CADM2: variants seen among roughly 807,000 people sequenced by gnomAD.
The protein encoded by CADM2 is immunoglobulin superfamily member 4D.
In CADM2, 12 loss-of-function variants were observed where a neutral mutation model predicts 49.8. The observed-to-expected ratio is 0.24, with a 90% CI of 0.15 to 0.39. CADM2 has a LOEUF of 0.39. Among genes scored for constraint, CADM2 ranks in the 10% least tolerant of loss-of-function variants. The pLI is 1.00. For missense variants in CADM2, 378 were observed against 492.3 expected (o/e 0.77, Z 2.20); for synonymous variants, 214 against 175.4 (o/e 1.22, Z -1.74).
At chr3:85,533,392 A>G (rs1442012559) in intron 1 of CADM2, among the ~76,000 whole-genome samples, 8 of 152,188 alleles carry the variant, frequency 5.3e-5, no homozygotes, top group Non-Finnish European at 1.0e-4. Flanking sequence ...GCATACTTTA[A>G]AATGCCCAAT....
chr3:85,408,085 A>T lies in CADM2; in HGVS notation c.62-318437A>T, dbSNP rs189764184. Among the ~76,000 whole-genome samples, 5 of 151,950 alleles carry T rather than the reference A, an allele frequency of 3.3e-5. No homozygotes were observed. In the East Asian group the frequency reaches 9.7e-4, roughly 29 times the overall value. ...GCAATAATTTTATTTAAAAAATAAGATACTAGAATTGAAGTGTGAAACTGA... is the reference window on the plus strand; with the variant it reads ...GCAATAATTTTATTTAAAAAATAAGTTACTAGAATTGAAGTGTGAAACTGA... On this transcript the variant is annotated intron_variant, in intron 1 of 9. Coordinates refer to ENST00000383699, the MANE Select transcript of CADM2 (RefSeq NM_001167675.2).
intron 1 of CADM2, among the ~76,000 whole-genome samples, chr3:85,144,247 A>G (rs13078074): frequency 0.033 from 3,699 of 113,108 alleles, 65 homozygotes; most frequent in Non-Finnish European, 0.055. Context: ...TTACACACGC[A>G]CACACACACA....
chr3:85,768,781 T>C (rs1183620204), intron 2 of CADM2, among the ~76,000 whole-genome samples: 83 of 128,630 alleles, frequency 6.5e-4, no homozygotes, highest in African/African-American at 2.3e-3. Flanking sequence ...CATATATACA[T>C]ATATAGTATA....
At chr3:85,744,468 T>C (rs1406185671) in intron 2 of CADM2, among the ~76,000 whole-genome samples, 1 of 151,812 alleles carries the variant, frequency 6.6e-6, no homozygotes, top group East Asian at 1.9e-4. Flanking sequence ...AAATATCTCA[T>C]ATAACCCATA....
chr3:85,094,119 A>T (rs1267385922), intron 1 of CADM2, among the ~76,000 whole-genome samples: 1 of 152,174 alleles, frequency 6.6e-6, no homozygotes, highest in Non-Finnish European at 1.5e-5. Context: ...CACACTTCTC[A>T]GCCGAGCCAA....
chr3:84,967,344 C>A (rs894132240), intron 1 of CADM2, among the ~76,000 whole-genome samples: 37 of 152,172 alleles, frequency 2.4e-4, no homozygotes, highest in Admixed American at 1.2e-3. Context: ...TTAATAAATT[C>A]ATATTTTATA....
At chr3:85,725,928 C>A (rs2067680486) in intron 1 of CADM2, among the ~76,000 whole-genome samples, 1 of 151,930 alleles carries the variant, frequency 6.6e-6, no homozygotes, top group South Asian at 2.1e-4. Flanking sequence ...TCAGATACAC[C>A]TAGAATCAAA....
intron 1 of CADM2, among the ~76,000 whole-genome samples, chr3:84,981,191 T>C (rs1240861982): frequency 7.2e-6 from 1 of 139,614 alleles, no homozygotes; most frequent in Non-Finnish European, 1.5e-5. Context: ...TGTGATCTCA[T>C]TGTTCAATTC....
At chr3:85,170,350 T>C (rs1239357096) in intron 1 of CADM2, among the ~76,000 whole-genome samples, 1 of 151,920 alleles carries the variant, frequency 6.6e-6, no homozygotes, top group Non-Finnish European at 1.5e-5. Context: ...AACTTTTTTT[T>C]TTTTTTGAGA....
chr3:85,948,952 T>C (rs1723065877), intron 7 of CADM2, among the ~76,000 whole-genome samples: 1 of 151,242 alleles, frequency 6.6e-6, no homozygotes, highest in Admixed American at 6.6e-5. Flanking sequence ...GCACCTATGA[T>C]AACGTGGGGC....
chr3:85,316,933 T>C (rs975801068), intron 1 of CADM2, among the ~76,000 whole-genome samples: 2 of 152,134 alleles, frequency 1.3e-5, no homozygotes, highest in Admixed American at 6.6e-5. Context: ...CACTAAAATA[T>C]AGTGGCTAAA....
intron 8 of CADM2, among the ~76,000 whole-genome samples, chr3:86,000,480 G>A (rs755471120): frequency 4.6e-5 from 7 of 152,122 alleles, no homozygotes; most frequent in Non-Finnish European, 7.4e-5. Context: ...AGGAAGGTGA[G>A]AAGATAAGTA....
chr3:85,137,862 G>A (rs987540150), intron 1 of CADM2, among the ~76,000 whole-genome samples: 2 of 151,954 alleles, frequency 1.3e-5, no homozygotes, highest in South Asian at 4.2e-4. Context: ...TGAATATTTG[G>A]AATATATTAT....
At chr3:85,597,513 A>G (rs1411308927) in intron 1 of CADM2, among the ~76,000 whole-genome samples, 1 of 152,098 alleles carries the variant, frequency 6.6e-6, no homozygotes, top group Non-Finnish European at 1.5e-5. Flanking sequence ...CCAACTCTCC[A>G]GAGATTGTAT....
intron 8 of CADM2, among the ~76,000 whole-genome samples, chr3:85,976,126 C>A (rs536976296): frequency 6.6e-6 from 1 of 151,432 alleles, no homozygotes; most frequent in Admixed American, 6.6e-5. Context: ...AATTTCTCTG[C>A]GTATGAATTA....
chr3:85,557,787 A>T (rs1019475422), intron 1 of CADM2, among the ~76,000 whole-genome samples: 2 of 151,996 alleles, frequency 1.3e-5, no homozygotes, highest in Non-Finnish European at 2.9e-5. Flanking sequence ...AGAACATTTA[A>T]TCTATTTGTG....
chr3:85,478,631 C>T (rs1479806073), intron 1 of CADM2, among the ~76,000 whole-genome samples: 2 of 151,784 alleles, frequency 1.3e-5, no homozygotes, highest in South Asian at 2.1e-4. Context: ...ATTGCAGAAA[C>T]AAGTTTAATA....
At chr3:85,541,304 G>A (rs981281954) in intron 1 of CADM2, among the ~76,000 whole-genome samples, 4 of 150,900 alleles carry the variant, frequency 2.7e-5, no homozygotes, top group South Asian at 2.1e-4. Context: ...ATACACACAC[G>A]TCTGTACACA....
chr3:85,835,161 A>G (rs185278960), intron 3 of CADM2, among the ~76,000 whole-genome samples: 65 of 151,708 alleles, frequency 4.3e-4, no homozygotes, highest in South Asian at 1.2e-3. Flanking sequence ...TTAATCTGCC[A>G]CAGCTCTGGT....
Sources: allele counts gnomAD v4.1 joint callset (sites outside exome capture counted in the v4.1 genomes callset), GRCh38; gene constraint gnomAD v4.1.1; transcripts MANE v1.5; gene names NCBI Gene and HGNC (gene_info 2026-07-23, HGNC 2026-07-21).